CPQ: variants seen among roughly 807,000 people sequenced by gnomAD.
CPQ encodes the protein Ser-Met dipeptidase.
In CPQ, 37 loss-of-function variants were observed where a neutral mutation model predicts 45.7. The ratio of observed to expected loss-of-function variants is 0.81; its 90% CI spans 0.62 to 1.07. CPQ has a LOEUF of 1.07. CPQ is among the 50% of genes least tolerant of loss of function. The pLI, the probability that CPQ is intolerant of heterozygous loss-of-function variation, is 0.00. For missense variants in CPQ, 537 were observed against 572.9 expected (o/e 0.94, Z 0.64); for synonymous variants, 186 against 205.8 (o/e 0.90, Z 0.82).
chr8:97,089,243 CAAAAAA>C (rs61075671), intron 7 of CPQ, among the ~76,000 whole-genome samples: 1 of 122,416 alleles, frequency 8.2e-6, no homozygotes, highest in Non-Finnish European at 1.7e-5. Flanking sequence ...AGCTCAGTCT[CAAAAAA>C]AAAAAAAAAA....
At chr8:97,022,143 C>A (rs1809699239) in intron 5 of CPQ, among the ~76,000 whole-genome samples, 1 of 152,182 alleles carries the variant, frequency 6.6e-6, no homozygotes, top group Admixed American at 6.5e-5. Context: ...AAAGGACACC[C>A]TATTCAACAA....
chr8:97,086,759 T>C (rs543353533), intron 7 of CPQ, among the ~76,000 whole-genome samples: 1 of 152,288 alleles, frequency 6.6e-6, no homozygotes, highest in African/African-American at 2.4e-5. Context: ...AAAACTCACA[T>C]TGTCCCAGAG....
chr8:96,673,200 C>T (rs115604990), intron 1 of CPQ, among the ~76,000 whole-genome samples: 1,802 of 152,198 alleles, frequency 0.012, 47 homozygotes, highest in African/African-American at 0.039. Flanking sequence ...AATGCAGCAA[C>T]GGAAGTACAG....
At chr8:96,929,812 A>C (rs1401164277) in intron 4 of CPQ, among the ~76,000 whole-genome samples, 1 of 152,138 alleles carries the variant, frequency 6.6e-6, no homozygotes, top group Non-Finnish European at 1.5e-5. Context: ...AAAAATATAG[A>C]TAGAGAATTC....
chr8:96,769,746 C>T (rs978877903), intron 1 of CPQ, among the ~76,000 whole-genome samples: 2 of 151,550 alleles, frequency 1.3e-5, no homozygotes, highest in African/African-American at 4.9e-5. Context: ...ATTCTCACAC[C>T]TCAGCCTCCA....
intron 7 of CPQ, among the ~76,000 whole-genome samples, chr8:97,120,874 G>A (rs1461679315): frequency 6.6e-6 from 1 of 152,198 alleles, no homozygotes; most frequent in Non-Finnish European, 1.5e-5. Context: ...TTGATGATGA[G>A]TAATAATGAT....
At chr8:96,697,450 A>T (rs1255977348) in intron 1 of CPQ, among the ~76,000 whole-genome samples, 1 of 152,210 alleles carries the variant, frequency 6.6e-6, no homozygotes, top group Non-Finnish European at 1.5e-5. Context: ...CTTTTCTCTA[A>T]GATCTAGAAC....
At chr8:96,676,578 T>G (rs1280676280) in intron 1 of CPQ, among the ~76,000 whole-genome samples, 2 of 152,110 alleles carry the variant, frequency 1.3e-5, no homozygotes, top group African/African-American at 2.4e-5. Flanking sequence ...TTGGGATGAT[T>G]GCATATCTTG....
chr8:96,977,739 C>T (rs544330899), intron 5 of CPQ, among the ~76,000 whole-genome samples: 14 of 152,262 alleles, frequency 9.2e-5, no homozygotes, highest in African/African-American at 2.9e-4. Flanking sequence ...AATCAAACAT[C>T]GTATGTTCTC....
chr8:96,670,943 G>T (rs1808993623), intron 1 of CPQ, among the ~76,000 whole-genome samples: 1 of 152,100 alleles, frequency 6.6e-6, no homozygotes, highest in Non-Finnish European at 1.5e-5. Context: ...GGATCCTTGT[G>T]GTGATAGACA....
At chr8:96,779,371 C>G (rs2130804633) in intron 1 of CPQ, among the ~76,000 whole-genome samples, 1 of 152,172 alleles carries the variant, frequency 6.6e-6, no homozygotes, top group South Asian at 2.1e-4. Flanking sequence ...TTATTTGCCT[C>G]TTAGACTGCA....
chr8:96,944,247 C>G (rs1049287912), intron 4 of CPQ, among the ~76,000 whole-genome samples: 2 of 152,060 alleles, frequency 1.3e-5, no homozygotes, highest in African/African-American at 4.8e-5. Flanking sequence ...CAAAAGTGGT[C>G]TCATTATGGT....
At chr8:96,889,104 C>T (rs559001983) in intron 4 of CPQ, among the ~76,000 whole-genome samples, 13 of 152,280 alleles carry the variant, frequency 8.5e-5, no homozygotes, top group African/African-American at 2.2e-4. Flanking sequence ...GGACAGCCCA[C>T]GGTGGGTCTG....
At chr8:96,823,524 T>A (rs1811337806) in intron 2 of CPQ, among the ~76,000 whole-genome samples, 1 of 152,010 alleles carries the variant, frequency 6.6e-6, no homozygotes, top group Non-Finnish European at 1.5e-5. Flanking sequence ...AATCCTATGA[T>A]GGATATTTTT....
At chr8:96,744,010 C>T (rs865916235) in intron 1 of CPQ, among the ~76,000 whole-genome samples, 8 of 152,210 alleles carry the variant, frequency 5.3e-5, no homozygotes, top group East Asian at 1.9e-4. Flanking sequence ...CCACCCAGTT[C>T]GAGCTTCCTG....
At chr8:96,841,112 G>C (rs1437325483) in intron 3 of CPQ, among the ~76,000 whole-genome samples, 1 of 152,164 alleles carries the variant, frequency 6.6e-6, no homozygotes, top group Non-Finnish European at 1.5e-5. Context: ...AAGGATCCCA[G>C]CTTGGGGACA....
At chr8:97,125,484 A>G (rs1242587011) in intron 7 of CPQ, among the ~76,000 whole-genome samples, 3 of 152,230 alleles carry the variant, frequency 2.0e-5, no homozygotes, top group Non-Finnish European at 4.4e-5. Context: ...AATTCTTAAC[A>G]AAATATAAGC....
At chr8:96,830,925 A>G (rs948213876) in intron 2 of CPQ, among the ~76,000 whole-genome samples, 3 of 152,200 alleles carry the variant, frequency 2.0e-5, no homozygotes, top group Admixed American at 6.5e-5. Context: ...TAATGGGAAG[A>G]GCATGACCCC....
intron 2 of CPQ, among the ~76,000 whole-genome samples, chr8:96,803,542 A>T (rs1246320201): frequency 2.0e-5 from 3 of 152,180 alleles, no homozygotes; most frequent in African/African-American, 7.2e-5. Flanking sequence ...AGAGAAAAAG[A>T]AGAGGGTTGT....
Sources: allele counts gnomAD v4.1 joint callset (sites outside exome capture counted in the v4.1 genomes callset), GRCh38; gene constraint gnomAD v4.1.1; transcripts MANE v1.5; gene names NCBI Gene and HGNC (gene_info 2026-07-23, HGNC 2026-07-21).